Variants in SCHIP1 observed in about 807,000 individuals in gnomAD.
The protein encoded by SCHIP1 is schwannomin-interacting protein 1.
Under a neutral mutation model 29.7 loss-of-function variants are expected in SCHIP1, and 8 were observed. That is an observed-to-expected ratio of 0.27 (90% CI 0.16 to 0.49). The LOEUF is 0.49. Ranked by LOEUF, SCHIP1 falls within the 20% of genes least tolerant of loss-of-function variation. The pLI is 0.99. For synonymous variants in SCHIP1, 76 were observed against 94.9 expected, an observed-to-expected ratio of 0.80 and a Z score of 1.16; for missense variants, 193 against 294.6, an observed-to-expected ratio of 0.66 and a Z score of 2.52.
chr3:159,627,701 GAAC>G, the SCHIP1 span, among the ~76,000 whole-genome samples: 1 of 152,150 alleles, frequency 6.6e-6, no homozygotes, highest in African/African-American at 2.4e-5. Context: ...TTCATCTGAA[GAAC>G]AACTTGATAG....
chr3:159,441,837 A>G, the SCHIP1 span, among the ~76,000 whole-genome samples: 2 of 151,892 alleles, frequency 1.3e-5, no homozygotes, highest in Non-Finnish European at 2.9e-5. Context: ...AATGGTAGGC[A>G]AGGATTCTAT....
chr3:159,764,893 C>G, the SCHIP1 span: 5 of 1,568,688 alleles, frequency 3.2e-6, no homozygotes, highest in Admixed American at 1.8e-5. This position sits in a 1 kb window ranked among gnomAD's most constrained non-coding sequence, Gnocchi z 6.1. Flanking sequence ...GGCTGGCCGG[C>G]CGAGCTGTTC....
At chr3:159,700,711 G>T in the SCHIP1 span, among the ~76,000 whole-genome samples, 1 of 151,836 alleles carries the variant, frequency 6.6e-6, no homozygotes, top group Non-Finnish European at 1.5e-5. Context: ...TACTCAGGCG[G>T]CTAATACAGG....
At chr3:159,530,560 C>T in the SCHIP1 span, among the ~76,000 whole-genome samples, 5 of 152,190 alleles carry the variant, frequency 3.3e-5, no homozygotes, top group Admixed American at 2.6e-4. Flanking sequence ...CTCCTTTGCT[C>T]ATTCAGGCTC....
upstream of SCHIP1, among the ~76,000 whole-genome samples, chr3:159,835,257 A>G (rs1743557115): frequency 6.6e-6 from 1 of 152,236 alleles, no homozygotes; most frequent in South Asian, 2.1e-4. Context: ...GACAATAAAT[A>G]TAGTGGTAAA....
chr3:159,634,828 T>C, the SCHIP1 span, among the ~76,000 whole-genome samples: 3 of 152,226 alleles, frequency 2.0e-5, no homozygotes, highest in Non-Finnish European at 2.9e-5. Context: ...TGATTTCTTA[T>C]ATTTTGCAGC....
At chr3:159,371,623 C>G in the SCHIP1 span, among the ~76,000 whole-genome samples, 1 of 152,150 alleles carries the variant, frequency 6.6e-6, no homozygotes, top group East Asian at 1.9e-4. Context: ...CACTTGGTAT[C>G]TGTTGGGGAT....
the SCHIP1 span, among the ~76,000 whole-genome samples, chr3:159,360,289 C>T: frequency 6.6e-6 from 1 of 152,138 alleles, no homozygotes; most frequent in African/African-American, 2.4e-5. Flanking sequence ...TAGTATACTA[C>T]ATATAGTAGT....
the SCHIP1 span, among the ~76,000 whole-genome samples, chr3:159,813,636 A>C: frequency 6.6e-5 from 10 of 151,892 alleles, no homozygotes; most frequent in Non-Finnish European, 1.5e-5. Flanking sequence ...TGCACTGAGG[A>C]GCGATCACAC....
chr3:159,589,013 A>T, the SCHIP1 span, among the ~76,000 whole-genome samples: 2 of 152,292 alleles, frequency 1.3e-5, no homozygotes, highest in South Asian at 4.1e-4. Flanking sequence ...AGTCATTGGT[A>T]GCTTGGTGGG....
the SCHIP1 span, among the ~76,000 whole-genome samples, chr3:159,360,003 C>A: frequency 6.6e-6 from 1 of 152,136 alleles, no homozygotes; most frequent in Admixed American, 6.5e-5. Flanking sequence ...GGTGACAGGG[C>A]AGGGTGGGTT....
chr3:159,696,115 G>A, the SCHIP1 span, among the ~76,000 whole-genome samples: 11 of 152,108 alleles, frequency 7.2e-5, no homozygotes, highest in East Asian at 1.9e-4. Flanking sequence ...ATGTCACTTC[G>A]TGTTCTGAAT....
At chr3:159,509,789 ATTG>A in the SCHIP1 span, among the ~76,000 whole-genome samples, 1 of 152,160 alleles carries the variant, frequency 6.6e-6, no homozygotes, top group Admixed American at 6.5e-5. Flanking sequence ...AATGTTGACT[ATTG>A]TTCCCCACTC....
At chr3:159,456,820 C>A in the SCHIP1 span, among the ~76,000 whole-genome samples, 1 of 152,140 alleles carries the variant, frequency 6.6e-6, no homozygotes. Flanking sequence ...TAGTCACATA[C>A]ACACATCATA....
At chr3:159,478,164 C>T in the SCHIP1 span, among the ~76,000 whole-genome samples, 4 of 151,978 alleles carry the variant, frequency 2.6e-5, no homozygotes, top group South Asian at 4.2e-4. Flanking sequence ...CTCAGGTGGT[C>T]CACCCACCTC....
chr3:159,422,294 C>G, the SCHIP1 span, among the ~76,000 whole-genome samples: 1 of 152,110 alleles, frequency 6.6e-6, no homozygotes, highest in Non-Finnish European at 1.5e-5. Flanking sequence ...TGAAAAACTC[C>G]TTGAATTTCA....
chr3:159,565,460 C>T, the SCHIP1 span, among the ~76,000 whole-genome samples: 65 of 152,306 alleles, frequency 4.3e-4, 2 homozygotes, highest in East Asian at 8.3e-3. Flanking sequence ...TTTGGCGCAT[C>T]TCCTATGTTT....
chr3:159,386,016 T>G, the SCHIP1 span, among the ~76,000 whole-genome samples: 28 of 152,322 alleles, frequency 1.8e-4, no homozygotes, highest in Non-Finnish European at 3.5e-4. Context: ...CCCTGCAAAG[T>G]ACATGAACTC....
chr3:159,604,300 C>G, the SCHIP1 span, among the ~76,000 whole-genome samples: 2 of 152,296 alleles, frequency 1.3e-5, no homozygotes, highest in Admixed American at 6.5e-5. Flanking sequence ...ATTCCAGGCA[C>G]ATTCTTTGAT....
Sources: allele counts gnomAD v4.1 joint callset (sites outside exome capture counted in the v4.1 genomes callset), GRCh38; gene constraint gnomAD v4.1.1; non-coding constraint Gnocchi (gnomAD v3.1); transcripts MANE v1.5; gene names NCBI Gene and HGNC (gene_info 2026-07-23, HGNC 2026-07-21).